AKIRIN2: variants seen among roughly 807,000 people sequenced by gnomAD.
AKIRIN2 encodes akirin-2.
A neutral mutation model predicts 29.3 loss-of-function variants in AKIRIN2; 6 were observed. The ratio of observed to expected loss-of-function variants is 0.20; its 90% CI spans 0.11 to 0.40. The LOEUF is 0.40. Ranked by LOEUF, AKIRIN2 falls within the 10% of genes least tolerant of loss-of-function variation. AKIRIN2 has a pLI of 1.00. For synonymous variants in AKIRIN2, 128 were observed against 117.5 expected, an observed-to-expected ratio of 1.09 and a Z score of -0.58; for missense variants, 210 against 276.1, an observed-to-expected ratio of 0.76 and a Z score of 1.70.
intron 1 of AKIRIN2, among the ~76,000 whole-genome samples, chr6:87,698,183 C>T (rs1771401161): frequency 1.3e-5 from 2 of 152,100 alleles, no homozygotes; most frequent in Admixed American, 1.3e-4. Context: ...GCTCCCCCTC[C>T]CCTTACTTCC....
rs912842670 is a variant in AKIRIN2 at position 87,675,476 on chromosome 6, C to G, written c.*121G>C. 4.2e-6 allele frequency: 6 copies of G among 1,421,504 alleles called. No individual in the cohort carries two copies. The highest frequency in any genetic ancestry group is 3.7e-5 in the Admixed American group (2 of 54,264). The allele number at this position is 1,421,504 out of a possible 1,614,324, so 88.1% of individuals were successfully genotyped here. A position where few individuals can be genotyped will look rare whatever the true frequency, so the allele number is the denominator to read the frequency against. On this transcript the variant is annotated 3_prime_UTR_variant, in exon 5 of 5. Coordinates refer to ENST00000257787, the MANE Select transcript of AKIRIN2 (RefSeq NM_018064.4). ...GCTGCCTAAGAGTGGTTGCCACTGA[C>G]GAAAGCTTGAAATAACCTGTATTCA...
intron 1 of AKIRIN2, among the ~76,000 whole-genome samples, chr6:87,687,021 G>A (rs1438874576): frequency 6.9e-6 from 1 of 145,452 alleles, no homozygotes; most frequent in Non-Finnish European, 1.5e-5. Flanking sequence ...ACTCCAGCCA[G>A]GCGACAGAGC....
chr6:87,681,431 G>T (rs1771120705), intron 2 of AKIRIN2, among the ~76,000 whole-genome samples, 189 bp downstream of exon 2: 1 of 152,136 alleles, frequency 6.6e-6, no homozygotes, highest in South Asian at 2.1e-4. Context: ...GTTGTCTCTG[G>T]TTAGTGGGAA....
At position 87,701,882 on chromosome 6, in the gene AKIRIN2, G is replaced by C; in HGVS notation, c.-198C>G. The C allele has an allele frequency of 4.6e-6, 2 of 437,458 alleles. No individual in the cohort carries two copies. Among genetic ancestry groups the C allele is most frequent in the Admixed American group, 4.3e-5 (1 of 23,400 alleles). The allele number at this position is 437,458 out of a possible 1,614,324, so 27.1% of individuals were successfully genotyped here. A position where few individuals can be genotyped will look rare whatever the true frequency, so the allele number is the denominator to read the frequency against. ...GCCTCCGCGGCAGGGGCAGTGGCCA[G>C]GGACGGCCCGGGTGAGAGCGGGAGG... On this transcript the variant is annotated 5_prime_UTR_variant, in exon 1 of 5. Coordinates refer to ENST00000257787, the MANE Select transcript of AKIRIN2 (RefSeq NM_018064.4).
At chr6:87,687,044 C>CA (rs10652176) in intron 1 of AKIRIN2, among the ~76,000 whole-genome samples, 11,644 of 67,204 alleles carry the variant, frequency 0.17, 1,001 homozygotes, top group Middle Eastern at 0.28. Context: ...GACTTAGACT[C>CA]AAAAAAAAAA....
At chr6:87,678,001 T>A (rs1340731450) in intron 2 of AKIRIN2, 34 bp from the exon 3 acceptor site, 2 of 1,586,072 alleles carry the variant, frequency 1.3e-6, no homozygotes, top group Admixed American at 3.5e-5. Context: ...TAGCACCTGG[T>A]TTAGAGCCAT....
At chr6:87,696,209 G>A (rs567461316) in intron 1 of AKIRIN2, among the ~76,000 whole-genome samples, 35 of 152,052 alleles carry the variant, frequency 2.3e-4, no homozygotes, top group Admixed American at 7.9e-4. Flanking sequence ...CGATTAGTAT[G>A]TACTACATTC....
At chr6:87,698,462 G>A (rs963651606) in intron 1 of AKIRIN2, among the ~76,000 whole-genome samples, 3 of 150,592 alleles carry the variant, frequency 2.0e-5, no homozygotes, top group Admixed American at 6.6e-5. Flanking sequence ...TAATTCTCAC[G>A]TGTCACAAAA....
At position 87,675,752 on chromosome 6, in the gene AKIRIN2, T is replaced by G. The variant is rs1582112658; in HGVS notation, c.601+108A>C. 2.6e-5 allele frequency: 38 copies of G among 1,453,268 alleles called. No individual in the cohort carries two copies. The East Asian group carries it at 8.8e-4, about 34-fold the overall frequency. 90.0% of individuals were successfully genotyped at this position (1,453,268 alleles called of 1,614,324 possible). A position where few individuals can be genotyped will look rare whatever the true frequency, so the allele number is the denominator to read the frequency against. On this transcript the variant is annotated intron_variant, in intron 4 of 4. Coordinates refer to ENST00000257787, the MANE Select transcript of AKIRIN2 (RefSeq NM_018064.4). Reference sequence around the variant, plus strand: ...TGCTGCCTATTTCCTCCATACATTCTCAGTAATTTTGTTGAATTCTCTTTT... The same window carrying G: ...TGCTGCCTATTTCCTCCATACATTCGCAGTAATTTTGTTGAATTCTCTTTT...
intron 1 of AKIRIN2, among the ~76,000 whole-genome samples, chr6:87,688,533 G>A (rs1771227414): frequency 6.6e-6 from 1 of 152,164 alleles, no homozygotes; most frequent in Non-Finnish European, 1.5e-5. Flanking sequence ...CTGACCTGAG[G>A]TAGGGAGTTA....
At chr6:87,692,600 T>C (rs891634687) in intron 1 of AKIRIN2, among the ~76,000 whole-genome samples, 2 of 151,348 alleles carry the variant, frequency 1.3e-5, no homozygotes, top group African/African-American at 4.9e-5. Flanking sequence ...TCACCTGAGG[T>C]CAGGAGTTCA....
intron 1 of AKIRIN2, among the ~76,000 whole-genome samples, chr6:87,699,287 T>C (rs889100138): frequency 3.3e-5 from 5 of 152,166 alleles, no homozygotes; most frequent in South Asian, 2.1e-4. Context: ...ACAAAAAACA[T>C]ACAGGACCAT....
At chr6:87,701,064 A>T (rs1481181167) in intron 1 of AKIRIN2, among the ~76,000 whole-genome samples, 2 of 151,956 alleles carry the variant, frequency 1.3e-5, no homozygotes, top group African/African-American at 2.4e-5. Flanking sequence ...GCACACATCC[A>T]GATTGGGGTG....
At chr6:87,691,574 A>T (rs1195532835) in intron 1 of AKIRIN2, among the ~76,000 whole-genome samples, 2 of 152,186 alleles carry the variant, frequency 1.3e-5, no homozygotes, top group African/African-American at 4.8e-5. Context: ...CAGGCATGTG[A>T]CTGCTTAGGG....
intron 2 of AKIRIN2, among the ~76,000 whole-genome samples, chr6:87,679,137 G>GAAA (rs34554650): frequency 1.2e-5 from 1 of 84,150 alleles, no homozygotes. Flanking sequence ...CTTCATCTCA[G>GAAA]AAAAAAAAAA....
At chr6:87,683,601 C>A (rs555502291) in intron 1 of AKIRIN2, among the ~76,000 whole-genome samples, 22 of 152,120 alleles carry the variant, frequency 1.4e-4, no homozygotes, top group Non-Finnish European at 3.1e-4. Flanking sequence ...ACACAAATAT[C>A]CTCATTTTTT....
At chr6:87,697,691 A>C (rs1554258013) in intron 1 of AKIRIN2, among the ~76,000 whole-genome samples, 1 of 152,198 alleles carries the variant, frequency 6.6e-6, no homozygotes, top group Non-Finnish European at 1.5e-5. Flanking sequence ...GCATGCATCA[A>C]TGTCTGGTGA....
rs145722828 is a variant in AKIRIN2, at chr6:87,702,101, C to T, written c.-417G>A. ...AGCACCGTGGGGTGTGAGGCTGGAACGCGGCTCCTAATACGCCCGAGTACG... is the reference window on the plus strand; with the variant it reads ...AGCACCGTGGGGTGTGAGGCTGGAATGCGGCTCCTAATACGCCCGAGTACG... On this transcript the variant is annotated 5_prime_UTR_variant, in exon 1 of 5. Coordinates refer to ENST00000257787, the MANE Select transcript of AKIRIN2 (RefSeq NM_018064.4). The T allele has an allele frequency of 5.0e-3, 2,001 of 399,182 alleles. 37 individuals carry two copies. The highest frequency in any genetic ancestry group is 0.035 in the African/African-American group (1,723 of 48,778). 24.7% of individuals were successfully genotyped at this position (399,182 alleles called of 1,614,324 possible). A position where few individuals can be genotyped will look rare whatever the true frequency, so the allele number is the denominator to read the frequency against.
chr6:87,679,505 A>G (rs1771084714), intron 2 of AKIRIN2, among the ~76,000 whole-genome samples: 1 of 152,200 alleles, frequency 6.6e-6, no homozygotes. Flanking sequence ...CTCAAAAACA[A>G]AACAAAACAA....
Sources: allele counts gnomAD v4.1 joint callset (sites outside exome capture counted in the v4.1 genomes callset), GRCh38; gene constraint gnomAD v4.1.1; transcripts MANE v1.5; gene names NCBI Gene and HGNC (gene_info 2026-07-23, HGNC 2026-07-21).